Variants in DOCK8 observed in about 807,000 individuals in gnomAD.
DOCK8 encodes the protein dedicator of cytokinesis protein 8.
In DOCK8, 141 loss-of-function variants were observed where a neutral mutation model predicts 245.6. The ratio of observed to expected loss-of-function variants is 0.57; its 90% CI spans 0.50 to 0.66. The LOEUF is 0.66. Ranked by LOEUF, DOCK8 falls within the 30% of genes least tolerant of loss-of-function variation. DOCK8 has a pLI of 0.00. For synonymous variants in DOCK8, 1,168 were observed against 970.2 expected (o/e 1.20, Z -3.79); for missense variants, 2,965 against 2,603.4 (o/e 1.14, Z -3.02).
Position 429,824 on chromosome 9 carries a change from C to A in DOCK8, c.4596C>A (p.Leu1532=), listed in dbSNP as rs541004603. The change falls in exon 36 of 48, where the codon CTC becomes CTA. Residue 1532 remains leucine (L), a synonymous_variant. Transcript: ENST00000432829. ...TRSQACATLY[L]LMRFSFGATS... is the part of the protein sequence containing the mutation. ...GCCAAGCCTGTGCCACCCTTTACCT[C>A]CTCATGAGGTTCAGTTTTGGAGCCA... 6.2e-7 allele frequency: 1 copy of A among 1,614,172 alleles called. No individual in the cohort carries two copies.
In DOCK8 at chr9:382,656, G is replaced by C. The variant is rs200899164; in HGVS notation, c.2749G>C (p.Glu917Gln). ...DLAGTHSAADEEVKNIMSSKI... is the reference protein window; with the variant it reads ...DLAGTHSAADQEVKNIMSSKI... ...CGCGGGGACACACTCCGCAGCAGAC[G>C]AGGAAGTGAAGAACATCATGTCTTC... The change falls in exon 22 of 48, where the codon GAG (glutamate) becomes CAG (glutamine). Residue 917 changes from glutamate (E) to glutamine (Q), a missense_variant. Physicochemically the swap from Glu to Gln is conservative, Grantham distance 29. This residue lies in a region of DOCK8 where 2,825 missense variants were observed against 2,453.5 expected (regional missense o/e 1.15). Transcript: ENST00000432829. 22 of 1,614,192 alleles carry C rather than the reference G, an allele frequency of 1.4e-5. No homozygotes were observed. In the South Asian group the frequency reaches 2.4e-4, roughly 18 times the overall value.
intron 9 of DOCK8, 142 bp downstream of exon 9, chr9:328,313 T>C: frequency 1.7e-6 from 2 of 1,176,850 alleles, no homozygotes; most frequent in Non-Finnish European, 2.4e-6. Context: ...GTTTACCCCT[T>C]TTCCGTTCTA....
chr9:258,200 T>C (rs1208192026), intron 1 of DOCK8, among the ~76,000 whole-genome samples: 1 of 152,220 alleles, frequency 6.6e-6, no homozygotes, highest in Non-Finnish European at 1.5e-5. Context: ...TGCAATCAGC[T>C]TGAATAGCAG....
chr9:257,415 G>C (rs1253813859), intron 1 of DOCK8, among the ~76,000 whole-genome samples: 4 of 152,198 alleles, frequency 2.6e-5, no homozygotes, highest in Non-Finnish European at 5.9e-5. Flanking sequence ...CTGGCAGGTA[G>C]AGCTGGAATT....
In DOCK8 at chr9:340,141, C is replaced by G. The variant is rs369418561; in HGVS notation, c.1517-18C>G. ...ATGACAGTTTCTTTACTAGAACATT[C>G]CTATTTTCTCTCTTTAGGCTTGCTA... On this transcript the variant is annotated intron_variant, in intron 13 of 47. Transcript: ENST00000432829. 6.2e-7 allele frequency: 1 copy of G among 1,613,014 alleles called. No individual in the cohort carries two copies. The highest frequency in any genetic ancestry group is 1.3e-5 in the African/African-American group (1 of 74,874).
chr9:382,238 G>A (rs2053749328), intron 21 of DOCK8, among the ~76,000 whole-genome samples: 2 of 152,146 alleles, frequency 1.3e-5, no homozygotes, highest in South Asian at 2.1e-4. Context: ...CCCGATGGCA[G>A]TAATAGACTG....
At chr9:396,959 T>G (rs1047250875) in intron 25 of DOCK8, 25 bp downstream of exon 25, 3 of 1,608,746 alleles carry the variant, frequency 1.9e-6, no homozygotes, top group Non-Finnish European at 2.6e-6. Flanking sequence ...CTCTTTATTT[T>G]CTAAATTGTT....
At chr9:356,529 CAAA>C (rs71482278) in intron 14 of DOCK8, among the ~76,000 whole-genome samples, 6 of 130,122 alleles carry the variant, frequency 4.6e-5, no homozygotes, top group Admixed American at 7.7e-5. Flanking sequence ...GACTCTGTCT[CAAA>C]AAAAAAAAAA....
intron 24 of DOCK8, among the ~76,000 whole-genome samples, chr9:392,345 C>T (rs1295563434): frequency 6.6e-6 from 1 of 152,152 alleles, no homozygotes. Context: ...AAGTCAGGTT[C>T]ATGCCACAGA....
At chr9:322,525 C>T (rs913251073) in intron 7 of DOCK8, among the ~76,000 whole-genome samples, 1 of 152,228 alleles carries the variant, frequency 6.6e-6, no homozygotes, top group Non-Finnish European at 1.5e-5. Context: ...TCCCTGGGAA[C>T]CTTGCTTTCC....
chr9:258,314 C>A (rs976871432), intron 1 of DOCK8, among the ~76,000 whole-genome samples: 2 of 151,456 alleles, frequency 1.3e-5, no homozygotes, highest in Admixed American at 6.6e-5. Context: ...ATAAATAGCA[C>A]CATTATAGGC....
chr9:387,964 T>C (rs1001421485), intron 23 of DOCK8, among the ~76,000 whole-genome samples: 1 of 152,210 alleles, frequency 6.6e-6, no homozygotes, highest in Non-Finnish European at 1.5e-5. Flanking sequence ...CTTAATACCT[T>C]AGCAGACAGA....
chr9:293,146 A>G (rs1467429125), intron 4 of DOCK8, among the ~76,000 whole-genome samples: 5 of 152,182 alleles, frequency 3.3e-5, no homozygotes. Context: ...GAAGTGTACA[A>G]CTTCAGAACT....
intron 11 of DOCK8, 85 bp downstream of exon 11, chr9:334,469 C>T (rs900214296): frequency 1.4e-6 from 2 of 1,456,408 alleles, no homozygotes; most frequent in Middle Eastern, 2.4e-4. Context: ...GGACTGGGGG[C>T]ACAGTGAGGT....
At chr9:441,797 G>T in intron 41 of DOCK8, 78 bp from the exon 42 acceptor site, 2 of 1,579,424 alleles carry the variant, frequency 1.3e-6, no homozygotes, top group Non-Finnish European at 1.7e-6. Context: ...AACACAATGA[G>T]AGACCCCTGC....
chr9:413,872 C>T (rs867928185), intron 28 of DOCK8, among the ~76,000 whole-genome samples: 83 of 152,160 alleles, frequency 5.5e-4, no homozygotes, highest in Admixed American at 3.9e-4. Flanking sequence ...GGGCGCTCGG[C>T]GGCTCACGCC....
intron 15 of DOCK8, 99 bp downstream of exon 15, chr9:368,234 A>G (rs752918224): frequency 1.2e-5 from 12 of 1,015,664 alleles, no homozygotes; most frequent in South Asian, 1.3e-5. Flanking sequence ...AAGTCCGTCT[A>G]TTCCAGGCCA....
At chr9:298,655 CAGAG>C (rs146339791) in intron 4 of DOCK8, among the ~76,000 whole-genome samples, 14 of 109,060 alleles carry the variant, frequency 1.3e-4, no homozygotes, top group East Asian at 7.7e-4. Context: ...GTGTGTGTGT[CAGAG>C]AGAGAGAGAG....
At chr9:420,701 A>T in intron 31 of DOCK8, 118 bp downstream of exon 31, 2 of 1,357,464 alleles carry the variant, frequency 1.5e-6, no homozygotes, top group Non-Finnish European at 1.0e-6. Flanking sequence ...TCATTTCTGT[A>T]TTCAAATCCA....
Sources: allele counts gnomAD v4.1 joint callset (sites outside exome capture counted in the v4.1 genomes callset), GRCh38; gene constraint gnomAD v4.1.1; regional missense constraint gnomAD v4.1.1; transcripts MANE v1.5; gene names NCBI Gene and HGNC (gene_info 2026-07-23, HGNC 2026-07-21).